Variants in NDST4 observed in about 807,000 individuals in gnomAD.
The protein encoded by NDST4 is N-heparan sulfate sulfotransferase 4.
A neutral mutation model predicts 100.8 loss-of-function variants in NDST4; 63 were observed. That is an observed-to-expected ratio of 0.62 (90% CI 0.51 to 0.77). NDST4 has a LOEUF of 0.77. Among genes scored for constraint, NDST4 ranks in the 30% least tolerant of loss-of-function variants. The pLI is 0.00. For missense variants in NDST4, 943 were observed against 1,018.4 expected, an observed-to-expected ratio of 0.93 and a Z score of 1.01; for synonymous variants, 377 against 361.8, an observed-to-expected ratio of 1.04 and a Z score of -0.48.
At chr4:115,019,505 T>C (rs911897429) in intron 2 of NDST4, among the ~76,000 whole-genome samples, 1 of 152,116 alleles carries the variant, frequency 6.6e-6, no homozygotes, top group African/African-American at 2.4e-5. Flanking sequence ...GCCCGGAGAA[T>C]AATGCCCTGG....
intron 2 of NDST4, among the ~76,000 whole-genome samples, chr4:115,005,557 C>A (rs1262867644): frequency 1.3e-5 from 2 of 152,072 alleles, no homozygotes; most frequent in Admixed American, 6.6e-5. Context: ...CAATGAGTGA[C>A]AAGTCCTTGT....
chr4:114,940,843 C>G (rs1239367095), intron 4 of NDST4, among the ~76,000 whole-genome samples: 1 of 152,178 alleles, frequency 6.6e-6, no homozygotes, highest in Admixed American at 6.5e-5. Flanking sequence ...AAGCTGCTAC[C>G]CTCTGGCATC....
chr4:115,072,627 A>T (rs538038645), intron 2 of NDST4, among the ~76,000 whole-genome samples: 1 of 152,122 alleles, frequency 6.6e-6, no homozygotes, highest in East Asian at 1.9e-4. Context: ...GGAAAACTAG[A>T]TATCTATAGG....
chr4:115,079,314 T>C (rs550182316), intron 1 of NDST4, among the ~76,000 whole-genome samples: 309 of 147,290 alleles, frequency 2.1e-3, no homozygotes, highest in Non-Finnish European at 4.0e-3. Flanking sequence ...ATCACACAAC[T>C]GCATGCCAGC....
At chr4:114,851,532 G>T (rs1264997353) in intron 8 of NDST4, among the ~76,000 whole-genome samples, 3 of 152,120 alleles carry the variant, frequency 2.0e-5, no homozygotes, top group Non-Finnish European at 4.4e-5. Flanking sequence ...TAGTTACTAA[G>T]CTGTAATTTT....
intron 3 of NDST4, 67 bp from the exon 4 acceptor site, chr4:114,970,651 C>T: frequency 7.2e-7 from 1 of 1,379,728 alleles, no homozygotes. Context: ...TTATTTTTGT[C>T]AGATTTATGT....
At chr4:114,866,316 G>A (rs546393262) in intron 7 of NDST4, among the ~76,000 whole-genome samples, 1 of 152,260 alleles carries the variant, frequency 6.6e-6, no homozygotes, top group Non-Finnish European at 1.5e-5. Flanking sequence ...CCTGAGTAAA[G>A]GCTTCTGGTG....
intron 2 of NDST4, among the ~76,000 whole-genome samples, chr4:115,072,417 A>G (rs1440670209): frequency 6.6e-6 from 1 of 152,076 alleles, no homozygotes; most frequent in African/African-American, 2.4e-5. Context: ...AATCTTGAGG[A>G]AAACAAAACA....
chr4:115,111,877 T>C lies in NDST4; in HGVS notation c.-247+1567A>G, dbSNP rs147727127. ...CTATCAATGTAAACATTGTTTAATA[T>C]TGATCATCATAATGTATTGTCATAC... is the stretch of plus-strand genomic sequence containing the variant. On this transcript the variant is annotated intron_variant, in intron 1 of 13. Coordinates refer to ENST00000264363, the MANE Select transcript of NDST4 (RefSeq NM_022569.3). Among the ~76,000 whole-genome samples, 403 of 151,996 alleles carry C rather than the reference T, an allele frequency of 2.7e-3. 4 individuals carry two copies. The highest frequency in any genetic ancestry group is 9.3e-3 in the African/African-American group (386 of 41,520).
chr4:114,888,939 A>G (rs1724536012), intron 6 of NDST4, among the ~76,000 whole-genome samples: 1 of 151,730 alleles, frequency 6.6e-6, no homozygotes, highest in South Asian at 2.1e-4. Flanking sequence ...TTTGCATTTT[A>G]TCTTTACTTT....
chr4:114,966,210 C>A (rs143969336), intron 4 of NDST4, among the ~76,000 whole-genome samples: 7 of 151,838 alleles, frequency 4.6e-5, no homozygotes, highest in Admixed American at 2.6e-4. Context: ...ACATGTACAC[C>A]CCCACTGCAT....
intron 6 of NDST4, among the ~76,000 whole-genome samples, chr4:114,883,837 C>A (rs1348755805): frequency 6.6e-6 from 1 of 152,104 alleles, no homozygotes; most frequent in African/African-American, 2.4e-5. Flanking sequence ...GAGCCTGCAA[C>A]CTAGATCCCT....
chr4:115,055,938 A>T (rs562062669), intron 2 of NDST4, among the ~76,000 whole-genome samples: 12 of 152,166 alleles, frequency 7.9e-5, no homozygotes, highest in Non-Finnish European at 1.8e-4. Flanking sequence ...ATCAGATTAG[A>T]TTTAAATTAT....
At chr4:115,044,355 T>A (rs377319612) in intron 2 of NDST4, among the ~76,000 whole-genome samples, 3 of 151,982 alleles carry the variant, frequency 2.0e-5, no homozygotes, top group Admixed American at 6.6e-5. Flanking sequence ...AGCTGAACCA[T>A]AAGCAGAGGG....
chr4:115,099,547 T>A (rs563314823), intron 1 of NDST4, among the ~76,000 whole-genome samples: 1 of 152,062 alleles, frequency 6.6e-6, no homozygotes, highest in Non-Finnish European at 1.5e-5. Context: ...AAATGGCCAT[T>A]TAGGATATGA....
chr4:114,957,424 C>T (rs1324518548), intron 4 of NDST4, among the ~76,000 whole-genome samples: 1 of 152,036 alleles, frequency 6.6e-6, no homozygotes, highest in African/African-American at 2.4e-5. Context: ...TGGGAAAGAC[C>T]CAACCCCATG....
At chr4:114,956,943 G>A (rs553760676) in intron 4 of NDST4, among the ~76,000 whole-genome samples, 74 of 152,088 alleles carry the variant, frequency 4.9e-4, no homozygotes, top group African/African-American at 1.3e-3. Flanking sequence ...AAAATAAAGC[G>A]AGCAATTGAA....
rs181203056 is a variant in NDST4, at chr4:115,032,030, C to A, written c.978+44029G>T. ...AAGACCCACCGCCCCCTCCAACTGG[C>A]AATATAAAATGAGAGTTCTATCTAT... On this transcript the variant is annotated intron_variant, in intron 2 of 13. Transcript: ENST00000264363. Among the ~76,000 whole-genome samples the A allele has an allele frequency of 2.3e-3, 346 of 152,144 alleles. 1 individual carries two copies. The highest frequency in any genetic ancestry group is 8.0e-3 in the African/African-American group (333 of 41,542).
intron 2 of NDST4, among the ~76,000 whole-genome samples, chr4:115,044,937 G>A (rs764444547): frequency 2.0e-5 from 3 of 151,602 alleles, no homozygotes; most frequent in Non-Finnish European, 1.5e-5. Flanking sequence ...GAATCAAGAA[G>A]TATTATAATG....
Sources: gnomAD v4.1 joint callset for allele counts (sites outside exome capture counted in the v4.1 genomes callset) on GRCh38, gnomAD v4.1.1 for gene constraint, MANE v1.5 for transcripts, NCBI Gene and HGNC (gene_info 2026-07-23, HGNC 2026-07-21) for gene names.